Variants in SDCCAG8 observed in about 807,000 individuals in gnomAD.
The protein encoded by SDCCAG8 is SHH signaling and ciliogenesis regulator SDCCAG8.
In SDCCAG8, 74 loss-of-function variants were observed where a neutral mutation model predicts 101.8. That is an observed-to-expected ratio of 0.73 (90% CI 0.60 to 0.88). The LOEUF is 0.88. Ranked by LOEUF, SDCCAG8 falls within the 40% of genes least tolerant of loss-of-function variation. The probability of loss-of-function intolerance (pLI) is 0.00; values close to 1 mark genes in which losing one functional copy is unlikely to be tolerated. For missense variants in SDCCAG8, 787 were observed against 822.6 expected (o/e 0.96, Z 0.53); for synonymous variants, 281 against 292.9 (o/e 0.96, Z 0.41).
intron 13 of SDCCAG8, among the ~76,000 whole-genome samples, chr1:243,400,313 A>G (rs915523301): frequency 1.3e-5 from 2 of 152,186 alleles, no homozygotes; most frequent in Non-Finnish European, 2.9e-5. Context: ...CGTTTTTAGG[A>G]ATACACTTGG....
chr1:243,368,863 C>T lies in SDCCAG8; in HGVS notation c.1474-9858C>T, dbSNP rs551170374. 2.7e-4 allele frequency among the ~76,000 whole-genome samples: 41 copies of T among 152,136 alleles called. No homozygotes were observed. In the South Asian group the frequency reaches 7.9e-3, roughly 29 times the overall value. On this transcript the variant is annotated intron_variant, in intron 12 of 17. Transcript: ENST00000366541. ...TCCTAGTAAGTGTAGTAAGGTATAA[C>T]GGGTCCCTTCAACCTCTGGAATGTT... is the stretch of plus-strand genomic sequence containing the variant.
At chr1:243,355,534 A>G (rs904602129) in intron 12 of SDCCAG8, among the ~76,000 whole-genome samples, 1 of 152,230 alleles carries the variant, frequency 6.6e-6, no homozygotes, top group Non-Finnish European at 1.5e-5. Context: ...ATGGAAGAGA[A>G]AGAATCGTTC....
chr1:243,469,634 A>G (rs1012540668), intron 16 of SDCCAG8, among the ~76,000 whole-genome samples: 1 of 152,138 alleles, frequency 6.6e-6, no homozygotes, highest in Admixed American at 6.5e-5. Context: ...CCTGCATACT[A>G]ATGATAACTA....
At chr1:243,465,038 C>T (rs1163816926) in intron 16 of SDCCAG8, among the ~76,000 whole-genome samples, 2 of 152,192 alleles carry the variant, frequency 1.3e-5, no homozygotes, top group Non-Finnish European at 2.9e-5. Flanking sequence ...TTTCACTTTC[C>T]CTAGGGCCAA....
intron 16 of SDCCAG8, among the ~76,000 whole-genome samples, chr1:243,478,973 A>G (rs1251340194): frequency 2.6e-5 from 4 of 151,812 alleles, no homozygotes; most frequent in East Asian, 3.9e-4. Flanking sequence ...AAAAAAAAAA[A>G]AAAAGAAAGT....
Position 243,346,865 on chromosome 1 carries a change from T to TAC in SDCCAG8, c.1473+2547_1473+2548dup, listed in dbSNP as rs139766005. ...GAGAAATTTTTTTAGGCAATGGTTA[T>TAC]ACACACACACACACTCGATCAGGGG... is the stretch of plus-strand genomic sequence containing the variant. On this transcript the variant is annotated intron_variant, in intron 12 of 17. Transcript: ENST00000366541. Among the ~76,000 whole-genome samples, 662 of 151,822 alleles carry TAC rather than the reference T, an allele frequency of 4.4e-3. 1 individual carries two copies. Among genetic ancestry groups the TAC allele is most frequent in the Middle Eastern group, 6.8e-3 (2 of 292 alleles).
At chr1:243,452,246 G>C (rs924336328) in intron 16 of SDCCAG8, among the ~76,000 whole-genome samples, 1 of 152,236 alleles carries the variant, frequency 6.6e-6, no homozygotes, top group Non-Finnish European at 1.5e-5. Context: ...CTAAGCATGT[G>C]TTAGTTGTGT....
intron 13 of SDCCAG8, among the ~76,000 whole-genome samples, chr1:243,382,035 AC>A (rs1446352874): frequency 1.3e-5 from 2 of 152,206 alleles, no homozygotes; most frequent in Non-Finnish European, 2.9e-5. Context: ...TGGGTTGGGT[AC>A]CCCAGGTAGA....
At chr1:243,404,383 T>G (rs746790199) in intron 13 of SDCCAG8, among the ~76,000 whole-genome samples, 3 of 152,152 alleles carry the variant, frequency 2.0e-5, no homozygotes, top group Non-Finnish European at 4.4e-5. Flanking sequence ...CAGACACAGG[T>G]TATTGAAGCA....
chr1:243,394,198 G>A (rs1435793724), intron 13 of SDCCAG8, among the ~76,000 whole-genome samples: 2 of 152,122 alleles, frequency 1.3e-5, no homozygotes, highest in Non-Finnish European at 2.9e-5. Context: ...ATTTTGGAGG[G>A]GGAGGGGGAA....
chr1:243,292,988 C>A, intron 5 of SDCCAG8, 103 bp from the exon 6 acceptor site: 1 of 1,356,900 alleles, frequency 7.4e-7, no homozygotes, highest in South Asian at 1.2e-5. Flanking sequence ...GAAGCATATG[C>A]TTTTTCTTTT....
At chr1:243,307,526 T>C (rs988048607) in intron 7 of SDCCAG8, 61 of 984,196 alleles carry the variant, frequency 6.2e-5, no homozygotes, top group Non-Finnish European at 6.9e-5. Context: ...TTATGTGAAC[T>C]TTTAAGACAC....
At chr1:243,357,537 C>T (rs762184844) in intron 12 of SDCCAG8, among the ~76,000 whole-genome samples, 1 of 152,204 alleles carries the variant, frequency 6.6e-6, no homozygotes, top group East Asian at 1.9e-4. Context: ...TAGTCCACCT[C>T]CTCCATTCTG....
At chr1:243,494,562 TTGAC>T (rs1667335153) in intron 17 of SDCCAG8, among the ~76,000 whole-genome samples, 2 of 152,222 alleles carry the variant, frequency 1.3e-5, no homozygotes, top group South Asian at 4.1e-4. Context: ...TTTTTGTTTT[TTGAC>T]TGAGCGCCCC....
rs1167101362 is a variant in SDCCAG8 at position 243,474,434 on chromosome 1, C to T, written c.1986-14580C>T. ...CAGGTGCGGGCTCCAGGCCCTCTCG[C>T]GCGGCTTCGGGACTCGGCCGAGCCC... On this transcript the variant is annotated intron_variant, in intron 16 of 17. Coordinates refer to ENST00000366541, the MANE Select transcript of SDCCAG8 (RefSeq NM_006642.5). This position sits in a 1 kb window ranked among gnomAD's most constrained non-coding sequence, Gnocchi z 4.7. 6.6e-6 allele frequency among the ~76,000 whole-genome samples: 1 copy of T among 152,160 alleles called. No individual in the cohort carries two copies. The highest frequency in any genetic ancestry group is 1.9e-4 in the East Asian group (1 of 5,166).
intron 1 of SDCCAG8, among the ~76,000 whole-genome samples, chr1:243,261,024 T>C (rs1377829981): frequency 6.6e-6 from 1 of 152,196 alleles, no homozygotes; most frequent in Non-Finnish European, 1.5e-5. Context: ...GTGAGAATTA[T>C]TGCCTTTAGG....
At chr1:243,426,310 T>G (rs911864388) in intron 15 of SDCCAG8, 117 bp from the exon 16 acceptor site, 6 of 892,310 alleles carry the variant, frequency 6.7e-6, no homozygotes, top group Non-Finnish European at 1.1e-5. Flanking sequence ...GATGTAGTTT[T>G]CATTATGCTA....
chr1:243,324,937 A>ACCTTG (rs2074039650), intron 9 of SDCCAG8, among the ~76,000 whole-genome samples: 1 of 152,174 alleles, frequency 6.6e-6, no homozygotes, highest in East Asian at 1.9e-4. Flanking sequence ...TCTGCCTTGT[A>ACCTTG]ATAATCTATG....
At chr1:243,452,416 T>C (rs80208873) in intron 16 of SDCCAG8, among the ~76,000 whole-genome samples, 6,578 of 101,638 alleles carry the variant, frequency 0.065, 301 homozygotes, top group African/African-American at 0.18. Context: ...TCTCATCTCT[T>C]TTTTTTTTTT....
Sources: gnomAD v4.1 joint callset for allele counts (sites outside exome capture counted in the v4.1 genomes callset) on GRCh38, gnomAD v4.1.1 for gene constraint, Gnocchi (gnomAD v3.1) non-coding constraint, MANE v1.5 for transcripts, NCBI Gene and HGNC (gene_info 2026-07-23, HGNC 2026-07-21) for gene names.